LRRC7: variants seen among roughly 807,000 people sequenced by gnomAD.
LRRC7 encodes leucine-rich repeat-containing protein 7.
A neutral mutation model predicts 175.7 loss-of-function variants in LRRC7; 23 were observed. The observed-to-expected ratio is 0.13, with a 90% CI of 0.09 to 0.19. The LOEUF (loss-of-function observed/expected upper bound fraction) is 0.19. Among genes scored for constraint, LRRC7 ranks in the 10% least tolerant of loss-of-function variants. The pLI, the probability that LRRC7 is intolerant of heterozygous loss-of-function variation, is 1.00. For missense variants in LRRC7, 1,354 were observed against 1,904.7 expected (o/e 0.71, Z 5.38); for synonymous variants, 685 against 680.9 (o/e 1.01, Z -0.09).
intron 7 of LRRC7, among the ~76,000 whole-genome samples, chr1:69,890,681 G>A (rs909593176): frequency 6.6e-6 from 1 of 152,144 alleles, no homozygotes; most frequent in Non-Finnish European, 1.5e-5. Flanking sequence ...CCAAAGGAAG[G>A]CTATTTTATC....
chr1:70,118,061 A>C (rs1234210343), intron 26 of LRRC7, among the ~76,000 whole-genome samples: 1 of 115,774 alleles, frequency 8.6e-6, no homozygotes, highest in Admixed American at 9.5e-5. Flanking sequence ...CTCTTCTTCT[A>C]TGCACACACA....
chr1:69,718,114 A>AAAG (rs1269323676), intron 2 of LRRC7, among the ~76,000 whole-genome samples: 2 of 57,018 alleles, frequency 3.5e-5, no homozygotes, highest in African/African-American at 2.1e-4. Flanking sequence ...AGAGAAAAAG[A>AAAG]AAGAAAGAAA....
intron 1 of LRRC7, among the ~76,000 whole-genome samples, chr1:69,655,107 CT>C (rs1387746756): frequency 6.6e-6 from 1 of 152,040 alleles, no homozygotes; most frequent in African/African-American, 2.4e-5. Flanking sequence ...AAGCTATGAA[CT>C]TGCTCAGGTT....
At chr1:69,972,904 A>T (rs1652394140) in intron 8 of LRRC7, among the ~76,000 whole-genome samples, 2 of 147,228 alleles carry the variant, frequency 1.4e-5, no homozygotes, top group South Asian at 2.1e-4. Context: ...GAAACTGTTT[A>T]TATATAACTA....
At chr1:69,743,517 T>A (rs1317275638) in intron 2 of LRRC7, among the ~76,000 whole-genome samples, 1 of 151,964 alleles carries the variant, frequency 6.6e-6, no homozygotes, top group Non-Finnish European at 1.5e-5. Context: ...ATTTAACATG[T>A]CAAAGCGAGA....
At chr1:69,762,204 A>G (rs1570664369) in intron 3 of LRRC7, among the ~76,000 whole-genome samples, 1 of 151,962 alleles carries the variant, frequency 6.6e-6, no homozygotes, top group Non-Finnish European at 1.5e-5. Flanking sequence ...ATTTCTATGC[A>G]ACAAATTTTG....
rs371838610 is a variant in LRRC7, at chr1:69,990,049, A to C, written c.931+3663A>C. ...TAAACATTCATTCAAGAGTGAGCAC[A>C]CAACAAATATATTTGAACATATACC... On this transcript the variant is annotated intron_variant, in intron 10 of 26. Transcript: ENST00000651989. 1.6e-4 allele frequency among the ~76,000 whole-genome samples: 25 copies of C among 152,268 alleles called. No individual in the cohort carries two copies. In the East Asian group the frequency reaches 4.8e-3, roughly 29 times the overall value.
chr1:69,703,073 T>C (rs1427247880), intron 2 of LRRC7, among the ~76,000 whole-genome samples: 3 of 152,102 alleles, frequency 2.0e-5, no homozygotes, highest in Non-Finnish European at 2.9e-5. Context: ...ATGTTTTTAG[T>C]TCTTATGAGA....
intron 7 of LRRC7, among the ~76,000 whole-genome samples, chr1:69,905,554 A>T (rs1646276015): frequency 6.6e-6 from 1 of 152,074 alleles, no homozygotes; most frequent in Non-Finnish European, 1.5e-5. Flanking sequence ...GATGGTTTCC[A>T]GTTTCATCCA....
At chr1:69,591,175 T>G (rs1196200625) in intron 1 of LRRC7, among the ~76,000 whole-genome samples, 1 of 152,162 alleles carries the variant, frequency 6.6e-6, no homozygotes, top group Non-Finnish European at 1.5e-5. Flanking sequence ...TTATAGGAGT[T>G]TGCTTGCTGT....
At chr1:69,624,962 TA>T in intron 1 of LRRC7, among the ~76,000 whole-genome samples, 1 of 152,244 alleles carries the variant, frequency 6.6e-6, no homozygotes, top group South Asian at 2.1e-4. Flanking sequence ...AATACTGTCA[TA>T]AAACTAAGCT....
At chr1:70,041,713 TG>T (rs1659913327) in intron 21 of LRRC7, among the ~76,000 whole-genome samples, 1 of 152,124 alleles carries the variant, frequency 6.6e-6, no homozygotes, top group Admixed American at 6.5e-5. Flanking sequence ...GAGGAATGAG[TG>T]AAAACAACTA....
chr1:69,923,087 G>A (rs146061829), intron 7 of LRRC7, among the ~76,000 whole-genome samples: 3,380 of 152,000 alleles, frequency 0.022, 111 homozygotes, highest in African/African-American at 0.078. Context: ...TTGTCCTTGC[G>A]ATAGTTTATT....
chr1:69,778,524 C>A (rs1423098141), intron 3 of LRRC7, among the ~76,000 whole-genome samples: 2 of 152,070 alleles, frequency 1.3e-5, no homozygotes, highest in Non-Finnish European at 2.9e-5. Context: ...GAGAGACAAC[C>A]AATCCTGCTT....
chr1:69,603,866 G>T (rs1250115417), intron 1 of LRRC7, among the ~76,000 whole-genome samples: 2 of 151,942 alleles, frequency 1.3e-5, no homozygotes, highest in Admixed American at 6.6e-5. Context: ...CCCGTTTGTG[G>T]TTGCTTTGCT....
In LRRC7 at chr1:69,603,984, C is replaced by G. The variant is rs1242942682; in HGVS notation, c.2+35343C>G. Among the ~76,000 whole-genome samples the G allele has an allele frequency of 2.0e-5, 3 of 151,958 alleles. No homozygotes were observed. In the East Asian group the frequency reaches 5.8e-4, roughly 29 times the overall value. ...TTTAATAAAAAATAAGTGAATAATTCTTCAAATATATGAATAGTGTAAAAA... is the reference window on the plus strand; with the variant it reads ...TTTAATAAAAAATAAGTGAATAATTGTTCAAATATATGAATAGTGTAAAAA... On this transcript the variant is annotated intron_variant, in intron 1 of 26. Coordinates refer to ENST00000651989, the MANE Select transcript of LRRC7 (RefSeq NM_001370785.2).
intron 8 of LRRC7, among the ~76,000 whole-genome samples, chr1:69,952,937 T>C (rs913581976): frequency 8.3e-6 from 1 of 120,960 alleles, no homozygotes; most frequent in African/African-American, 3.3e-5. Flanking sequence ...AGAGGGCTTA[T>C]AAAGAAATGT....
At chr1:70,115,857 C>T (rs956197154) in intron 26 of LRRC7, among the ~76,000 whole-genome samples, 1 of 152,158 alleles carries the variant, frequency 6.6e-6, no homozygotes, top group Non-Finnish European at 1.5e-5. Context: ...TCATTTTTAT[C>T]AAATGAGCCT....
At chr1:69,855,131 G>A (rs1683446140) in intron 7 of LRRC7, among the ~76,000 whole-genome samples, 1 of 152,086 alleles carries the variant, frequency 6.6e-6, no homozygotes, top group African/African-American at 2.4e-5. Context: ...CAAAAATGAA[G>A]CCAAAAGAAG....
Sources: gnomAD v4.1 joint callset for allele counts (sites outside exome capture counted in the v4.1 genomes callset) on GRCh38, gnomAD v4.1.1 for gene constraint, MANE v1.5 for transcripts, NCBI Gene and HGNC (gene_info 2026-07-23, HGNC 2026-07-21) for gene names.